Variants in RHOT1 observed in about 807,000 individuals in gnomAD.
RHOT1 encodes mitochondrial Rho GTPase 1.
A neutral mutation model predicts 95.3 loss-of-function variants in RHOT1; 27 were observed. That is an observed-to-expected ratio of 0.28 (90% CI 0.21 to 0.39). RHOT1 has a LOEUF of 0.39. Ranked by LOEUF, RHOT1 falls within the 10% of genes least tolerant of loss-of-function variation. RHOT1 has a pLI of 1.00. For synonymous variants in RHOT1, 227 were observed against 263.5 expected (o/e 0.86, Z 1.34); for missense variants, 578 against 786.7 (o/e 0.73, Z 3.17).
chr17:32,205,268 T>C (rs2037630510), intron 16 of RHOT1, among the ~76,000 whole-genome samples: 2 of 151,972 alleles, frequency 1.3e-5, no homozygotes, highest in African/African-American at 4.8e-5. Context: ...GAACATGCAG[T>C]GTTTGGTTTT....
At chr17:32,194,327 A>T (rs1306300308) in intron 11 of RHOT1, among the ~76,000 whole-genome samples, 1 of 152,218 alleles carries the variant, frequency 6.6e-6, no homozygotes, top group Non-Finnish European at 1.5e-5. Flanking sequence ...TTTAGCACAC[A>T]TGGGGAGGTG....
At chr17:32,168,639 T>G (rs1047088113) in intron 1 of RHOT1, among the ~76,000 whole-genome samples, 4 of 148,608 alleles carry the variant, frequency 2.7e-5, no homozygotes, top group African/African-American at 9.8e-5. Context: ...AAATATATTT[T>G]TATATATTTT....
chr17:32,169,511 G>A (rs909711093), intron 1 of RHOT1, among the ~76,000 whole-genome samples: 7 of 152,150 alleles, frequency 4.6e-5, no homozygotes, highest in African/African-American at 1.7e-4. Context: ...TAAATATGAT[G>A]CTCTATGGAA....
intron 8 of RHOT1, among the ~76,000 whole-genome samples, chr17:32,191,400 A>T (rs2036478842): frequency 1.3e-5 from 2 of 152,216 alleles, no homozygotes; most frequent in Non-Finnish European, 2.9e-5. Context: ...CTAAATAAAG[A>T]TCTATCTCCA....
chr17:32,223,790 T>C (rs1281323288), intron 19 of RHOT1, among the ~76,000 whole-genome samples: 1 of 152,216 alleles, frequency 6.6e-6, no homozygotes, highest in Admixed American at 6.5e-5. Context: ...AAATAAAATG[T>C]TCTGACCTTT....
At chr17:32,146,535 TC>T (rs2031359221) in intron 1 of RHOT1, among the ~76,000 whole-genome samples, 1 of 151,378 alleles carries the variant, frequency 6.6e-6, no homozygotes, top group South Asian at 2.1e-4. Context: ...AAGCTCCACC[TC>T]CCAGGTTCAG....
At chr17:32,153,787 GTCAGGTGCAGAAGT>G (rs2032608785) in intron 1 of RHOT1, among the ~76,000 whole-genome samples, 1 of 152,244 alleles carries the variant, frequency 6.6e-6, no homozygotes, top group Non-Finnish European at 1.5e-5. Context: ...ACTGGGAATA[GTCAGGTGCAGAAGT>G]TCAGAGGTCT....
At chr17:32,221,072 A>T in intron 19 of RHOT1, 1 of 984,172 alleles carries the variant, frequency 1.0e-6, no homozygotes, top group Non-Finnish European at 1.2e-6. Flanking sequence ...TAAGTTTAGA[A>T]ATGAGCCAGA....
chr17:32,146,612 ATTTTTTTT>A (rs778057684), intron 1 of RHOT1, among the ~76,000 whole-genome samples: 1 of 127,456 alleles, frequency 7.8e-6, no homozygotes, highest in Non-Finnish European at 1.7e-5. Flanking sequence ...CGCCCGGCTA[ATTTTTTTT>A]TTTTTTTTTT....
intron 6 of RHOT1, among the ~76,000 whole-genome samples, chr17:32,178,261 G>A (rs995159830): frequency 1.4e-5 from 2 of 145,196 alleles, no homozygotes; most frequent in Admixed American, 7.4e-5. Flanking sequence ...CCGTGATCTC[G>A]GCTCACTGCA....
intron 13 of RHOT1, 71 bp from the exon 14 acceptor site, chr17:32,200,885 C>A: frequency 9.1e-7 from 1 of 1,099,060 alleles, no homozygotes; most frequent in Non-Finnish European, 1.4e-6. Flanking sequence ...GTTTTTTTAG[C>A]TATTGGCTTT....
At chr17:32,170,637 G>A (rs2034500056) in intron 1 of RHOT1, among the ~76,000 whole-genome samples, 1 of 152,034 alleles carries the variant, frequency 6.6e-6, no homozygotes, top group Admixed American at 6.6e-5. Context: ...AGTAACTTTT[G>A]TCTTCTCTTC....
intron 2 of RHOT1, 115 bp from the exon 3 acceptor site, chr17:32,173,716 A>C: frequency 1.3e-6 from 1 of 753,472 alleles, no homozygotes; most frequent in Admixed American, 2.6e-5. Flanking sequence ...CCATTAAAAA[A>C]AAAAAAAGAA....
chr17:32,151,238 T>C (rs1423227203), intron 1 of RHOT1: 9 of 725,970 alleles, frequency 1.2e-5, no homozygotes, highest in Non-Finnish European at 1.8e-5. Context: ...TAGTTCTTTA[T>C]ACTGTTGGCG....
chr17:32,166,917 A>T (rs1463819829), intron 1 of RHOT1, among the ~76,000 whole-genome samples: 3 of 152,198 alleles, frequency 2.0e-5, no homozygotes, highest in Admixed American at 2.0e-4. Flanking sequence ...AATGTTCTTG[A>T]TGGCATCTAG....
In RHOT1 at chr17:32,193,005, A is replaced by G. The variant is rs1172533365; in HGVS notation, c.640-131A>G. 9.8e-6 allele frequency: 6 copies of G among 611,070 alleles called. No homozygotes were observed. The East Asian group carries it at 1.2e-4, about 12-fold the overall frequency. The allele number at this position is 611,070 out of a possible 1,614,324, so 37.9% of individuals were successfully genotyped here. On this transcript the variant is annotated intron_variant, in intron 9 of 19. Coordinates refer to ENST00000545287, the MANE Select transcript of RHOT1 (RefSeq NM_001033566.3). ...TAATACATTTAAAAAAGTGGTGACT[A>G]TTCCTAATGTAGAATATGTTTCTTT... is the stretch of plus-strand genomic sequence containing the variant.
At chr17:32,187,388 G>T (rs965046035) in intron 8 of RHOT1, among the ~76,000 whole-genome samples, 2 of 151,976 alleles carry the variant, frequency 1.3e-5, no homozygotes, top group African/African-American at 2.4e-5. Flanking sequence ...GGGATTACAG[G>T]TGTGAGTCAC....
intron 19 of RHOT1, 166 bp downstream of exon 19, chr17:32,211,404 A>C: frequency 2.0e-6 from 1 of 502,432 alleles, no homozygotes; most frequent in Non-Finnish European, 3.3e-6. Flanking sequence ...TTTTGGAAGC[A>C]TCCTTAATAA....
At chr17:32,176,082 T>C in intron 5 of RHOT1, 67 bp downstream of exon 5, 1 of 1,579,302 alleles carries the variant, frequency 6.3e-7, no homozygotes, top group Non-Finnish European at 8.6e-7. Flanking sequence ...ATTCTCAGTT[T>C]AGAATTTTAG....
Sources: gnomAD v4.1 joint callset for allele counts (sites outside exome capture counted in the v4.1 genomes callset) on GRCh38, gnomAD v4.1.1 for gene constraint, MANE v1.5 for transcripts, NCBI Gene and HGNC (gene_info 2026-07-23, HGNC 2026-07-21) for gene names.